The following STK32A variants were observed in gnomAD, a reference collection of about 807,000 sequenced individuals.
STK32A encodes serine/threonine-protein kinase 32A.
Under a neutral mutation model 53.2 loss-of-function variants are expected in STK32A, and 41 were observed. The observed-to-expected ratio is 0.77, with a 90% CI of 0.60 to 1.00. The LOEUF (loss-of-function observed/expected upper bound fraction) is 1.00, where lower values mean the gene tolerates loss of function less well. Ranked by LOEUF, STK32A falls within the 50% of genes least tolerant of loss-of-function variation. The probability of loss-of-function intolerance (pLI) is 0.00; values close to 1 mark genes in which losing one functional copy is unlikely to be tolerated. For missense variants in STK32A, 458 were observed against 485.8 expected, an observed-to-expected ratio of 0.94 and a Z score of 0.54; for synonymous variants, 166 against 162.8, an observed-to-expected ratio of 1.02 and a Z score of -0.15.
At chr5:147,239,415 G>T (rs1269723777) in intron 1 of STK32A, 124 bp from the exon 2 acceptor site, 1 of 437,620 alleles carries the variant, frequency 2.3e-6, no homozygotes, top group Admixed American at 4.3e-5. Context: ...ATCATGGTTG[G>T]TTTTCAAACA....
intron 4 of STK32A, among the ~76,000 whole-genome samples, chr5:147,280,638 C>A (rs569828143): frequency 6.6e-6 from 1 of 151,606 alleles, no homozygotes; most frequent in African/African-American, 2.4e-5. Flanking sequence ...AGCAGCAAGG[C>A]CCACCCAAAG....
intron 1 of STK32A, among the ~76,000 whole-genome samples, chr5:147,238,884 TACA>T (rs1753444732): frequency 6.6e-6 from 1 of 152,012 alleles, no homozygotes; most frequent in Non-Finnish European, 1.5e-5. Flanking sequence ...AGTTGTATAA[TACA>T]ACACAGAGTT....
chr5:147,397,991 G>A, the STK32A span: 1 of 753,314 alleles, frequency 1.3e-6, no homozygotes, highest in Non-Finnish European at 2.0e-6. Context: ...GCATCCAGTG[G>A]GTAGAAGGCA....
At chr5:147,347,026 C>T (rs1350512007) in intron 6 of STK32A, among the ~76,000 whole-genome samples, 2 of 152,052 alleles carry the variant, frequency 1.3e-5, no homozygotes, top group Non-Finnish European at 2.9e-5. Flanking sequence ...GTAACTTATC[C>T]CCATTTAATT....
At chr5:147,290,544 C>G (rs984143026) in intron 4 of STK32A, among the ~76,000 whole-genome samples, 5 of 152,124 alleles carry the variant, frequency 3.3e-5, no homozygotes, top group Non-Finnish European at 7.4e-5. Flanking sequence ...CCCCAGGTGG[C>G]TTTTGTTAAT....
At chr5:147,296,760 C>A (rs1208803944) in intron 4 of STK32A, among the ~76,000 whole-genome samples, 1 of 152,114 alleles carries the variant, frequency 6.6e-6, no homozygotes, top group Non-Finnish European at 1.5e-5. Flanking sequence ...CTGACCATCA[C>A]CTAATGGTTG....
intron 7 of STK32A, among the ~76,000 whole-genome samples, chr5:147,352,757 A>G (rs1756044200): frequency 6.6e-6 from 1 of 152,204 alleles, no homozygotes; most frequent in Non-Finnish European, 1.5e-5. Context: ...CTGGTTGGCC[A>G]TGGAAGTTTG....
chr5:147,265,077 T>C (rs2151948673), intron 2 of STK32A, among the ~76,000 whole-genome samples: 1 of 104,056 alleles, frequency 9.6e-6, no homozygotes, highest in South Asian at 2.8e-4. Context: ...TGATAGCATA[T>C]TCGTTTTATA....
intron 4 of STK32A, among the ~76,000 whole-genome samples, chr5:147,281,709 C>T (rs1415532917): frequency 1.3e-5 from 2 of 151,968 alleles, no homozygotes; most frequent in African/African-American, 4.8e-5. Flanking sequence ...GGAAAACTTC[C>T]CCGGCCTTGC....
the STK32A span, among the ~76,000 whole-genome samples, chr5:147,400,442 T>A: frequency 1.1e-4 from 17 of 152,216 alleles, no homozygotes; most frequent in African/African-American, 4.1e-4. Context: ...GATGAAGGAG[T>A]TGCATGTCTG....
At chr5:147,360,725 T>C (rs1455746411) in intron 7 of STK32A, among the ~76,000 whole-genome samples, 4 of 152,192 alleles carry the variant, frequency 2.6e-5, no homozygotes, top group Non-Finnish European at 5.9e-5. Flanking sequence ...TATTAGACAG[T>C]AGGAATATGG....
intron 8 of STK32A, among the ~76,000 whole-genome samples, chr5:147,368,524 C>T (rs545007625): frequency 6.6e-6 from 1 of 152,224 alleles, no homozygotes; most frequent in South Asian, 2.1e-4. Context: ...GCCCCACCAA[C>T]ATAGAAACCA....
chr5:147,253,907 A>G lies in STK32A; in HGVS notation c.52+14221A>G, dbSNP rs182178927. Among the ~76,000 whole-genome samples the G allele has an allele frequency of 2.3e-3, 355 of 152,322 alleles. 4 individuals are homozygous for G. The highest frequency in any genetic ancestry group is 0.014 in the Middle Eastern group (4 of 294). ...AGCAAAGAATTTCAATGGCTGGCAG[A>G]TTCAGTTAAGGACAAAAATAATTCA... On this transcript the variant is annotated intron_variant, in intron 2 of 12. Coordinates refer to ENST00000397936, the MANE Select transcript of STK32A (RefSeq NM_001112724.2).
At chr5:147,261,262 C>A (rs1036442459) in intron 2 of STK32A, among the ~76,000 whole-genome samples, 2 of 152,158 alleles carry the variant, frequency 1.3e-5, no homozygotes, top group African/African-American at 4.8e-5. Context: ...CTTTTTAATT[C>A]TCTGCCCAGC....
chr5:147,306,611 A>G (rs765136949), intron 4 of STK32A, among the ~76,000 whole-genome samples: 12 of 151,630 alleles, frequency 7.9e-5, no homozygotes, highest in Non-Finnish European at 1.2e-4. Flanking sequence ...TAATTAATTC[A>G]AAATTCAGTA....
rs75449259 is a variant in STK32A, at chr5:147,289,750, A to C, written c.260+10352A>C. ...TTACCTAGAAAAATGAAAATTCTTC[A>C]ATAATTCTTATCACCTTGTAACAAT... On this transcript the variant is annotated intron_variant, in intron 4 of 12. Coordinates refer to ENST00000397936, the MANE Select transcript of STK32A (RefSeq NM_001112724.2). 9.8e-3 allele frequency among the ~76,000 whole-genome samples: 1,493 copies of C among 152,234 alleles called. 31 individuals are homozygous for C. The highest frequency in any genetic ancestry group is 0.034 in the African/African-American group (1,415 of 41,556).
At chr5:147,311,249 C>T (rs191226010) in intron 4 of STK32A, among the ~76,000 whole-genome samples, 1 of 152,282 alleles carries the variant, frequency 6.6e-6, no homozygotes, top group Admixed American at 6.5e-5. Context: ...TCTATAACTA[C>T]ATATTTGTTT....
At chr5:147,348,962 G>A in intron 6 of STK32A, 1 of 467,578 alleles carries the variant, frequency 2.1e-6, no homozygotes, top group South Asian at 2.2e-5. Flanking sequence ...CTAGTTAGTG[G>A]TAGAACCTAG....
intron 4 of STK32A, among the ~76,000 whole-genome samples, chr5:147,287,243 C>T (rs192399507): frequency 6.6e-6 from 1 of 152,122 alleles, no homozygotes; most frequent in Admixed American, 6.6e-5. Context: ...TCTTGTGTGT[C>T]AAGGTCTTTG....
Sources: allele counts gnomAD v4.1 joint callset (sites outside exome capture counted in the v4.1 genomes callset), GRCh38; gene constraint gnomAD v4.1.1; transcripts MANE v1.5; gene names NCBI Gene and HGNC (gene_info 2026-07-23, HGNC 2026-07-21).